GARIN6: variants seen among roughly 807,000 people sequenced by gnomAD.
GARIN6 encodes the protein Golgi-associated RAB2 interactor protein 6.
chr12:99,648,918 G>T, the GARIN6 span: 1 of 1,310,520 alleles, frequency 7.6e-7, no homozygotes, highest in Non-Finnish European at 1.0e-6. Context: ...AAGGCCAAAT[G>T]AGCTTCCATT....
chr12:99,649,400 T>C, the GARIN6 span: 2 of 1,602,686 alleles, frequency 1.2e-6, no homozygotes, highest in East Asian at 2.2e-5. Context: ...GAGATATGAA[T>C]CCAACATACC....
chr12:99,649,385 C>T, the GARIN6 span: 1 of 1,613,372 alleles, frequency 6.2e-7, no homozygotes. Context: ...TGTGATTATA[C>T]AATAGAGATA....
At chr12:99,648,112 G>A in the GARIN6 span, 72 of 1,555,640 alleles carry the variant, frequency 4.6e-5, no homozygotes, top group East Asian at 6.8e-4. Context: ...CAGGATGCCC[G>A]CTAAAGCATG....
chr12:99,649,655 A>G, the GARIN6 span: 2 of 407,346 alleles, frequency 4.9e-6, no homozygotes, highest in African/African-American at 4.0e-5. Flanking sequence ...CCATGTCTTA[A>G]TCTTGTTATA....
chr12:99,649,780 T>C, the GARIN6 span: 1 of 163,232 alleles, frequency 6.1e-6, no homozygotes, highest in African/African-American at 2.4e-5. Flanking sequence ...AGCAGAGAGA[T>C]ACTGAGAAGG....
the GARIN6 span, chr12:99,648,586 C>A: frequency 2.5e-6 from 4 of 1,614,210 alleles, no homozygotes; most frequent in Non-Finnish European, 3.4e-6. Flanking sequence ...AAAAAAACAG[C>A]TCCACCTGAA....
At chr12:99,649,200 G>A in the GARIN6 span, 1 of 1,006,536 alleles carries the variant, frequency 9.9e-7, no homozygotes, top group Non-Finnish European at 1.6e-6. Flanking sequence ...GTGTACTTGT[G>A]CAATAATTTC....
the GARIN6 span, chr12:99,648,298 T>C: frequency 1.1e-5 from 17 of 1,614,176 alleles, no homozygotes; most frequent in Non-Finnish European, 1.4e-5. Flanking sequence ...TATATTCAGG[T>C]ATGCACCCAT....
At chr12:99,647,940 T>A in the GARIN6 span, 1 of 560,244 alleles carries the variant, frequency 1.8e-6, no homozygotes, top group South Asian at 2.6e-5. Flanking sequence ...GACAGCTCCA[T>A]GCACTAAGCA....
At chr12:99,649,328 GA>G in the GARIN6 span, 1 of 1,614,152 alleles carries the variant, frequency 6.2e-7, no homozygotes. Flanking sequence ...GAGCAATTCA[GA>G]ATCAGTAGAC....
chr12:99,648,305 C>T, the GARIN6 span: 2 of 1,614,116 alleles, frequency 1.2e-6, no homozygotes. Flanking sequence ...AGGTATGCAC[C>T]CATGTTTGAG....
the GARIN6 span, among the ~76,000 whole-genome samples, chr12:99,649,063 T>C: frequency 6.6e-6 from 1 of 152,338 alleles, no homozygotes; most frequent in East Asian, 1.9e-4. Context: ...AATGTTGTAA[T>C]GCTGTCCAAA....
At chr12:99,649,638 G>A in the GARIN6 span, 7 of 454,370 alleles carry the variant, frequency 1.5e-5, no homozygotes, top group Non-Finnish European at 1.2e-5. Context: ...GCTATTAGTG[G>A]GTGCTTCCAT....
At chr12:99,649,393 A>G in the GARIN6 span, 1 of 1,608,108 alleles carries the variant, frequency 6.2e-7, no homozygotes, top group Non-Finnish European at 8.5e-7. Flanking sequence ...TACAATAGAG[A>G]TATGAATCCA....
the GARIN6 span, chr12:99,648,351 G>A: frequency 1.9e-6 from 3 of 1,614,176 alleles, no homozygotes; most frequent in Non-Finnish European, 1.7e-6. Flanking sequence ...GAGGAGAAGT[G>A]ATTGACGTGC....
chr12:99,648,360 G>A, the GARIN6 span: 2 of 1,614,156 alleles, frequency 1.2e-6, no homozygotes, highest in Non-Finnish European at 1.7e-6. Flanking sequence ...TGATTGACGT[G>A]CACAACCGTG....
At chr12:99,647,852 C>T in the GARIN6 span, 4 of 324,834 alleles carry the variant, frequency 1.2e-5, no homozygotes, top group Non-Finnish European at 2.3e-5. Context: ...ATATCAGGCT[C>T]AAATGGAGGT....
chr12:99,648,759 TGTGTTGGAGGAA>T, the GARIN6 span: 2 of 1,613,048 alleles, frequency 1.2e-6, no homozygotes, highest in Non-Finnish European at 1.7e-6. Flanking sequence ...TGGACTCATC[TGTGTTGGAGGAA>T]GTGCAGAGGA....
the GARIN6 span, chr12:99,649,719 A>T: frequency 4.0e-6 from 1 of 252,740 alleles, no homozygotes; most frequent in Non-Finnish European, 7.7e-6. Context: ...GCATATCAGT[A>T]AGTGCTACTG....
Sources: allele counts gnomAD v4.1 joint callset (sites outside exome capture counted in the v4.1 genomes callset), GRCh38; gene constraint gnomAD v4.1.1; transcripts MANE v1.5; gene names NCBI Gene and HGNC (gene_info 2026-07-23, HGNC 2026-07-21).